EVL: variants seen among roughly 807,000 people sequenced by gnomAD.
The protein encoded by EVL is ena/VASP-like protein.
EVL carries 21 observed loss-of-function variants against 59.6 expected under a neutral mutation model. The observed-to-expected ratio is 0.35, with a 90% CI of 0.25 to 0.51. EVL has a LOEUF of 0.51. Among genes scored for constraint, EVL ranks in the 20% least tolerant of loss-of-function variants. The probability of loss-of-function intolerance (pLI) is 0.97; values close to 1 mark genes in which losing one functional copy is unlikely to be tolerated. For synonymous variants in EVL, 198 were observed against 203.5 expected (o/e 0.97, Z 0.23); for missense variants, 462 against 546.6 (o/e 0.85, Z 1.54).
At chr14:99,976,269 T>C (rs1198918542) in intron 1 of EVL, among the ~76,000 whole-genome samples, 1 of 151,974 alleles carries the variant, frequency 6.6e-6, no homozygotes, top group Non-Finnish European at 1.5e-5. Context: ...CTCAAACTCT[T>C]GGCCTCCAGT....
At chr14:100,136,653 T>C (rs1354890095) in intron 9 of EVL, among the ~76,000 whole-genome samples, 1 of 152,168 alleles carries the variant, frequency 6.6e-6, no homozygotes, top group African/African-American at 2.4e-5. Flanking sequence ...TGTTCGCGTG[T>C]GTCTCTGGGG....
At chr14:100,102,858 G>C (rs1211102818) in intron 3 of EVL, among the ~76,000 whole-genome samples, 1 of 152,162 alleles carries the variant, frequency 6.6e-6, no homozygotes, top group East Asian at 1.9e-4. Flanking sequence ...ACCACTTTGT[G>C]AGGCTGAGGC....
chr14:100,071,664 G>A (rs2062050986), intron 1 of EVL, among the ~76,000 whole-genome samples: 2 of 152,302 alleles, frequency 1.3e-5, no homozygotes, highest in South Asian at 4.1e-4. Flanking sequence ...AGAACTATGT[G>A]TGTAAAATAG....
intron 2 of EVL, among the ~76,000 whole-genome samples, chr14:100,091,428 A>G (rs2062561915): frequency 6.6e-6 from 1 of 152,182 alleles, no homozygotes; most frequent in South Asian, 2.1e-4. Context: ...TTTTTATCCA[A>G]TCACATTTCT....
At chr14:99,989,178 A>G (rs1433685066) in intron 1 of EVL, among the ~76,000 whole-genome samples, 1 of 152,160 alleles carries the variant, frequency 6.6e-6, no homozygotes, top group Non-Finnish European at 1.5e-5. Context: ...CTTTATTCCC[A>G]GAGAGACACA....
intron 1 of EVL, among the ~76,000 whole-genome samples, chr14:99,999,439 A>G (rs1027360746): frequency 2.6e-5 from 4 of 152,218 alleles, no homozygotes; most frequent in African/African-American, 9.6e-5. Flanking sequence ...TCAGGATTAA[A>G]TCCGCTGACA....
Position 100,097,675 on chromosome 14 carries a change from C to T in EVL, c.358+17C>T. ...AAGAAGGAGGTAAGTAGGGCTTTGT[C>T]TTGGCCTGATGCTGAGACCCTCTCT... On this transcript the variant is annotated intron_variant, in intron 3 of 13. Coordinates refer to ENST00000392920, the MANE Select transcript of EVL (RefSeq NM_016337.3). 6.3e-7 allele frequency: 1 copy of T among 1,593,126 alleles called. No homozygotes were observed. Among genetic ancestry groups the T allele is most frequent in the Non-Finnish European group, 8.6e-7 (1 of 1,169,090 alleles).
At chr14:100,057,776 G>A (rs773439552) in intron 1 of EVL, among the ~76,000 whole-genome samples, 4 of 152,214 alleles carry the variant, frequency 2.6e-5, no homozygotes, top group Non-Finnish European at 5.9e-5. Flanking sequence ...TGGAGCCATA[G>A]TTGAGGTTCT....
At chr14:100,035,394 C>CTT (rs575227533) in intron 1 of EVL, among the ~76,000 whole-genome samples, 1 of 134,622 alleles carries the variant, frequency 7.4e-6, no homozygotes. Flanking sequence ...TCTGTTTTCT[C>CTT]TTTTTTTTTT....
At chr14:100,043,160 C>T (rs2061491786) in intron 1 of EVL, among the ~76,000 whole-genome samples, 1 of 151,994 alleles carries the variant, frequency 6.6e-6, no homozygotes, top group Non-Finnish European at 1.5e-5. Context: ...CTGAGCACCT[C>T]AGGTTAGGAA....
At chr14:99,985,773 GAA>G (rs11339070) in intron 1 of EVL, among the ~76,000 whole-genome samples, 6,484 of 138,690 alleles carry the variant, frequency 0.047, 175 homozygotes, top group African/African-American at 0.062. Context: ...ATCTCAGAAA[GAA>G]AAAAAAAAAA....
chr14:100,053,904 C>T, intron 1 of EVL, among the ~76,000 whole-genome samples: 1 of 152,114 alleles, frequency 6.6e-6, no homozygotes, highest in Non-Finnish European at 1.5e-5. Flanking sequence ...GCCTCAGCCT[C>T]CCAAAGTGTT....
intron 1 of EVL, among the ~76,000 whole-genome samples, chr14:100,080,921 T>C (rs1037833465): frequency 2.2e-4 from 33 of 152,234 alleles, no homozygotes; most frequent in African/African-American, 7.2e-4. Flanking sequence ...TGTATATGTT[T>C]TTTAAAAAGT....
Position 100,094,371 on chromosome 14 carries a change from G to A in EVL, c.181-3110G>A, listed in dbSNP as rs529531833. Among the ~76,000 whole-genome samples the A allele has an allele frequency of 7.9e-5, 12 of 152,162 alleles. No homozygotes were observed. In the South Asian group the frequency reaches 1.2e-3, roughly 16 times the overall value. The stretch of plus-strand genomic sequence containing the variant: ...TCATTTCCCCCCCAAGAGCCACTTT[G>A]AGGTTTGGAAAAAAAGAAAAATTCT... On this transcript the variant is annotated intron_variant, in intron 2 of 13. Coordinates refer to ENST00000392920, the MANE Select transcript of EVL (RefSeq NM_016337.3).
chr14:100,046,361 G>A (rs1366036599), intron 1 of EVL, among the ~76,000 whole-genome samples: 3 of 152,154 alleles, frequency 2.0e-5, no homozygotes, highest in Non-Finnish European at 2.9e-5. Context: ...CAAACACAGT[G>A]TTGACTAAGA....
intron 1 of EVL, among the ~76,000 whole-genome samples, chr14:100,036,388 C>A (rs1040160391): frequency 6.6e-6 from 1 of 152,086 alleles, no homozygotes; most frequent in Non-Finnish European, 1.5e-5. Flanking sequence ...CAAGAGCTGT[C>A]AAGATCATGA....
chr14:100,086,600 G>A (rs1024759877), intron 2 of EVL, among the ~76,000 whole-genome samples: 3 of 152,206 alleles, frequency 2.0e-5, no homozygotes, highest in Admixed American at 6.5e-5. Context: ...CCCAAACACC[G>A]CCTGTTCTCA....
Position 100,128,581 on chromosome 14 carries a change from C to T in EVL, c.550C>T (p.Pro184Ser), listed in dbSNP as rs1888226244. Reference protein sequence around the residue: ...AASAPVSCSGPPPPPPPPVPP... With the variant: ...AASAPVSCSGSPPPPPPPVPP... ...CAGCGCCCCCGTCTCATGTAGTGGG[C>T]CTCCACCGCCCCCCCCACCCCCAGT... The change falls in exon 6 of 14, where the codon CCT becomes TCT. Residue 184 changes from proline (P) to serine (S), a missense_variant. By Grantham distance (74) the Pro-to-Ser change is moderately conservative (BLOSUM62 -1). Transcript: ENST00000392920. 1.3e-6 allele frequency: 2 copies of T among 1,591,662 alleles called. No individual in the cohort carries two copies. Among genetic ancestry groups the T allele is most frequent in the Non-Finnish European group, 1.7e-6 (2 of 1,163,956 alleles).
At chr14:99,997,426 C>A (rs1566965157) in intron 1 of EVL, among the ~76,000 whole-genome samples, 1 of 152,216 alleles carries the variant, frequency 6.6e-6, no homozygotes, top group Non-Finnish European at 1.5e-5. Context: ...TAGTCCAGGT[C>A]ACAAGATTAA....
Sources: gnomAD v4.1 joint callset for allele counts (sites outside exome capture counted in the v4.1 genomes callset) on GRCh38, gnomAD v4.1.1 for gene constraint, MANE v1.5 for transcripts, NCBI Gene and HGNC (gene_info 2026-07-23, HGNC 2026-07-21) for gene names.